Variants in NCR3LG1 observed in about 807,000 individuals in gnomAD.
NCR3LG1 encodes natural cytotoxicity triggering receptor 3 ligand 1.
Under a neutral mutation model 34.8 loss-of-function variants are expected in NCR3LG1, and 35 were observed. The ratio of observed to expected loss-of-function variants is 1.01; its 90% CI spans 0.77 to 1.33. The LOEUF is 1.33. Among genes scored for constraint, NCR3LG1 ranks in the 40% most tolerant of loss-of-function variants. The probability of loss-of-function intolerance (pLI) is 0.00; values close to 1 mark genes in which losing one functional copy is unlikely to be tolerated. For missense variants in NCR3LG1, 452 were observed against 423.3 expected (o/e 1.07, Z -0.60); for synonymous variants, 173 against 163.6 (o/e 1.06, Z -0.44).
intron 2 of NCR3LG1, among the ~76,000 whole-genome samples, chr11:17,360,986 C>T (rs1247019874): frequency 1.3e-5 from 2 of 152,120 alleles, no homozygotes; most frequent in African/African-American, 4.8e-5. Context: ...TCTCCCCCGT[C>T]TCAGCCTCCC....
Sources: gnomAD v4.1 joint callset for allele counts (sites outside exome capture counted in the v4.1 genomes callset) on GRCh38, gnomAD v4.1.1 for gene constraint, MANE v1.5 for transcripts, NCBI Gene and HGNC (gene_info 2026-07-23, HGNC 2026-07-21) for gene names.